Variants in HS2ST1 observed in about 807,000 individuals in gnomAD.
HS2ST1 encodes the protein 2-O-sulfotransferase.
In HS2ST1, 18 loss-of-function variants were observed where a neutral mutation model predicts 42.9. The observed-to-expected ratio is 0.42, with a 90% CI of 0.29 to 0.62. The LOEUF (loss-of-function observed/expected upper bound fraction) is 0.62. Ranked by LOEUF, HS2ST1 falls within the 20% of genes least tolerant of loss-of-function variation. HS2ST1 has a pLI of 0.21. For synonymous variants in HS2ST1, 146 were observed against 152.9 expected, an observed-to-expected ratio of 0.95 and a Z score of 0.33; for missense variants, 334 against 433.8, an observed-to-expected ratio of 0.77 and a Z score of 2.04.
chr1:86,985,529 TACATATATATACAC>T (rs1648754833), intron 1 of HS2ST1, among the ~76,000 whole-genome samples: 1 of 15,806 alleles, frequency 6.3e-5, no homozygotes, highest in Non-Finnish European at 2.3e-4. Context: ...CACATATATA[TACATATATATACAC>T]ACATATATAT....
At chr1:86,954,051 A>ATT (rs1233118638) in intron 1 of HS2ST1, among the ~76,000 whole-genome samples, 1,862 of 147,200 alleles carry the variant, frequency 0.013, 61 homozygotes, top group African/African-American at 0.045. Flanking sequence ...AAAAAAAAAA[A>ATT]AAAAAAAAAA....
Position 87,106,263 on chromosome 1 carries a change from G to A in HS2ST1, c.*1567G>A, listed in dbSNP as rs1235104311. On this transcript the variant is annotated 3_prime_UTR_variant, in exon 7 of 7. Coordinates refer to ENST00000370550, the MANE Select transcript of HS2ST1 (RefSeq NM_012262.4). The stretch of plus-strand genomic sequence containing the variant: ...TATCTTCCATGTTTCAACAACTATT[G>A]AAATATGAAATGCCTGTGAACTCTT... 1 of 152,372 alleles carries A rather than the reference G, an allele frequency of 6.6e-6. No individual in the cohort carries two copies. The highest frequency in any genetic ancestry group is 1.5e-5 in the Non-Finnish European group (1 of 67,930). 9.4% of individuals were successfully genotyped at this position (152,372 alleles called of 1,614,324 possible).
At chr1:87,078,347 C>T (rs1405414750) in intron 2 of HS2ST1, among the ~76,000 whole-genome samples, 5 of 152,152 alleles carry the variant, frequency 3.3e-5, no homozygotes, top group Non-Finnish European at 7.3e-5. Flanking sequence ...TAACAAAAAA[C>T]CCCAACACCA....
chr1:87,001,144 T>C lies in HS2ST1; in HGVS notation c.125-71790T>C, dbSNP rs368187879. 1.6e-3 allele frequency among the ~76,000 whole-genome samples: 243 copies of C among 152,310 alleles called. 2 individuals are homozygous for C. The highest frequency in any genetic ancestry group is 5.7e-3 in the African/African-American group (235 of 41,574). ...AAAAATATTTTAAAATCTTTATTTTTCCAAAATGCCAAAATGTTGTGTGGA... is the reference window on the plus strand; with the variant it reads ...AAAAATATTTTAAAATCTTTATTTTCCCAAAATGCCAAAATGTTGTGTGGA... On this transcript the variant is annotated intron_variant, in intron 1 of 6. Transcript: ENST00000370550.
chr1:86,988,746 A>T (rs983835433), intron 1 of HS2ST1, among the ~76,000 whole-genome samples: 13 of 152,198 alleles, frequency 8.5e-5, no homozygotes, highest in African/African-American at 2.9e-4. Context: ...GCGTTACATC[A>T]ATCTATTCAA....
intron 1 of HS2ST1, among the ~76,000 whole-genome samples, chr1:86,932,866 AT>A (rs1328079789): frequency 1.3e-5 from 2 of 152,342 alleles, no homozygotes; most frequent in Admixed American, 6.5e-5. Flanking sequence ...GGGCAAAAAA[AT>A]ATTCTTCAAA....
intron 1 of HS2ST1, among the ~76,000 whole-genome samples, chr1:87,025,785 A>G (rs1360794806): frequency 4.6e-5 from 7 of 152,276 alleles, no homozygotes; most frequent in Admixed American, 1.3e-4. Flanking sequence ...ATGAATCTCT[A>G]GGAAACCTTT....
At chr1:86,933,162 T>A (rs1660576638) in intron 1 of HS2ST1, among the ~76,000 whole-genome samples, 1 of 150,540 alleles carries the variant, frequency 6.6e-6, no homozygotes, top group Admixed American at 6.6e-5. Context: ...AGGTGTAGAT[T>A]TTTTGGTGTT....
chr1:87,101,825 C>G (rs1219489320), intron 5 of HS2ST1, among the ~76,000 whole-genome samples: 2 of 152,076 alleles, frequency 1.3e-5, no homozygotes, highest in Non-Finnish European at 2.9e-5. Flanking sequence ...TCTATTAGGC[C>G]ATTCTTACAT....
intron 1 of HS2ST1, among the ~76,000 whole-genome samples, chr1:87,039,405 T>G (rs1650466844): frequency 6.6e-6 from 1 of 152,186 alleles, no homozygotes; most frequent in African/African-American, 2.4e-5. Context: ...CTGCTTATCT[T>G]TTCTTCCTCT....
intron 1 of HS2ST1, among the ~76,000 whole-genome samples, chr1:87,030,880 GTTTTA>G (rs1650218751): frequency 6.6e-6 from 1 of 152,144 alleles, no homozygotes; most frequent in Non-Finnish European, 1.5e-5. Context: ...AGAGTCAGTT[GTTTTA>G]TTCTCAGGTT....
At chr1:87,058,827 C>T (rs751154594) in intron 1 of HS2ST1, among the ~76,000 whole-genome samples, 3 of 151,402 alleles carry the variant, frequency 2.0e-5, no homozygotes, top group Non-Finnish European at 4.4e-5. Flanking sequence ...TTTGGGAGGC[C>T]GAGGCGGGGA....
chr1:86,993,545 T>C (rs1286925338), intron 1 of HS2ST1, among the ~76,000 whole-genome samples: 1 of 152,242 alleles, frequency 6.6e-6, no homozygotes, highest in African/African-American at 2.4e-5. Flanking sequence ...AGATTCTATA[T>C]AGATAGTGTC....
At chr1:86,981,676 T>A (rs978837880) in intron 1 of HS2ST1, among the ~76,000 whole-genome samples, 1 of 152,238 alleles carries the variant, frequency 6.6e-6, no homozygotes, top group African/African-American at 2.4e-5. Context: ...ATGCAAGGGA[T>A]AGGCTCCCAC....
chr1:87,030,730 G>A (rs188153106), intron 1 of HS2ST1, among the ~76,000 whole-genome samples: 181 of 152,070 alleles, frequency 1.2e-3, no homozygotes, highest in Middle Eastern at 6.8e-3. Flanking sequence ...TTTCTACTTT[G>A]TCTCTTACTC....
Position 86,961,595 on chromosome 1 carries a change from T to C in HS2ST1, c.124+46435T>C, listed in dbSNP as rs555301965. ...TACATATTTTTCTTCAAATACATTC[T>C]TTTAATTGAGGTGAAAATCACTTCA... On this transcript the variant is annotated intron_variant, in intron 1 of 6. Transcript: ENST00000370550. Among the ~76,000 whole-genome samples the C allele has an allele frequency of 1.9e-3, 291 of 152,276 alleles. 1 individual carries two copies. Among genetic ancestry groups the C allele is most frequent in the African/African-American group, 6.6e-3 (276 of 41,574 alleles).
intron 1 of HS2ST1, among the ~76,000 whole-genome samples, chr1:86,928,360 C>T (rs1385374657): frequency 6.6e-6 from 1 of 151,958 alleles, no homozygotes; most frequent in African/African-American, 2.4e-5. Flanking sequence ...TTAACTTGTT[C>T]AAATTTTGTC....
chr1:86,993,012 G>A (rs10873810), intron 1 of HS2ST1: 1,209,139 of 1,528,902 alleles, frequency 0.79, 481,668 homozygotes, highest in East Asian at 0.96. Context: ...CTCCCAGTGT[G>A]GGGAGGGTAC....
At chr1:86,970,235 GTAA>G (rs1375932352) in intron 1 of HS2ST1, among the ~76,000 whole-genome samples, 4 of 151,794 alleles carry the variant, frequency 2.6e-5, no homozygotes. Flanking sequence ...CATTTTACAA[GTAA>G]TAATGTATTA....
Sources: allele counts gnomAD v4.1 joint callset (sites outside exome capture counted in the v4.1 genomes callset), GRCh38; gene constraint gnomAD v4.1.1; transcripts MANE v1.5; gene names NCBI Gene and HGNC (gene_info 2026-07-23, HGNC 2026-07-21).